Variants in LRFN2 observed in about 807,000 individuals in gnomAD.
LRFN2 encodes leucine rich repeat and fibronectin type III domain containing 2.
A neutral mutation model predicts 37.3 loss-of-function variants in LRFN2; 18 were observed. The observed-to-expected ratio is 0.48, with a 90% CI of 0.33 to 0.72. The LOEUF is 0.72. LRFN2 is among the 30% of genes least tolerant of loss of function. The pLI is 0.02. For synonymous variants in LRFN2, 556 were observed against 466.6 expected (o/e 1.19, Z -2.47); for missense variants, 1,006 against 1,060.7 (o/e 0.95, Z 0.72).
chr6:40,546,915 TC>T (rs1257218379), intron 1 of LRFN2, among the ~76,000 whole-genome samples: 1 of 152,224 alleles, frequency 6.6e-6, no homozygotes, highest in Non-Finnish European at 1.5e-5. Context: ...TTTTTACCCT[TC>T]TGAGTCTCAG....
chr6:40,571,800 G>C (rs1184720461), intron 1 of LRFN2, among the ~76,000 whole-genome samples: 1 of 152,090 alleles, frequency 6.6e-6, no homozygotes, highest in Non-Finnish European at 1.5e-5. Flanking sequence ...AGCCTTTGAG[G>C]GCCCCACAAC....
intron 1 of LRFN2, among the ~76,000 whole-genome samples, chr6:40,438,122 A>G (rs2113831523): frequency 6.6e-6 from 1 of 152,308 alleles, no homozygotes; most frequent in East Asian, 1.9e-4. Context: ...TCTGCCCAGA[A>G]TGTCTATGAG....
chr6:40,509,781 T>TG (rs1435166730), intron 1 of LRFN2, among the ~76,000 whole-genome samples: 17 of 130,718 alleles, frequency 1.3e-4, no homozygotes, highest in Non-Finnish European at 2.3e-4. Context: ...GTGCAGGCAG[T>TG]GGGGTGGGGG....
intron 1 of LRFN2, among the ~76,000 whole-genome samples, chr6:40,498,925 T>C (rs1044746129): frequency 7.2e-5 from 11 of 152,190 alleles, no homozygotes; most frequent in African/African-American, 2.7e-4. Context: ...ACTAGAGATA[T>C]ATCAGCAAGC....
intron 1 of LRFN2, among the ~76,000 whole-genome samples, chr6:40,497,103 G>T (rs918846207): frequency 1.3e-5 from 2 of 152,174 alleles, no homozygotes; most frequent in African/African-American, 4.8e-5. Context: ...GAGGAGAGAA[G>T]TTTATAGCAT....
At chr6:40,545,965 T>C (rs1766652175) in intron 1 of LRFN2, among the ~76,000 whole-genome samples, 1 of 152,190 alleles carries the variant, frequency 6.6e-6, no homozygotes, top group Non-Finnish European at 1.5e-5. Flanking sequence ...AGGAATTTAA[T>C]AGCTATTTGT....
intron 1 of LRFN2, among the ~76,000 whole-genome samples, chr6:40,560,378 G>A (rs895404144): frequency 6.6e-6 from 1 of 152,144 alleles, no homozygotes; most frequent in African/African-American, 2.4e-5. Context: ...ATGCCTGACT[G>A]GGGAAGCCCA....
At chr6:40,489,793 C>T (rs1396520573) in intron 1 of LRFN2, among the ~76,000 whole-genome samples, 1 of 152,114 alleles carries the variant, frequency 6.6e-6, no homozygotes, top group Non-Finnish European at 1.5e-5. Flanking sequence ...AGAGGGCTGA[C>T]CCACCTGTCC....
intron 1 of LRFN2, among the ~76,000 whole-genome samples, chr6:40,451,330 G>C (rs963641046): frequency 2.0e-5 from 3 of 152,142 alleles, no homozygotes; most frequent in Non-Finnish European, 4.4e-5. Flanking sequence ...ACCATTACTT[G>C]TCTGTCTGAA....
chr6:40,490,626 G>A (rs1361127454), intron 1 of LRFN2, among the ~76,000 whole-genome samples: 2 of 152,216 alleles, frequency 1.3e-5, no homozygotes, highest in African/African-American at 4.8e-5. Context: ...AGCTCACCAT[G>A]GCTGGCACAG....
intron 1 of LRFN2, among the ~76,000 whole-genome samples, chr6:40,475,026 T>G (rs1444463569): frequency 6.6e-6 from 1 of 152,290 alleles, no homozygotes; most frequent in Middle Eastern, 3.4e-3. Flanking sequence ...ACACTCACTC[T>G]TATGGTTGTC....
intron 1 of LRFN2, among the ~76,000 whole-genome samples, chr6:40,511,003 T>C (rs1487152523): frequency 6.6e-6 from 1 of 151,742 alleles, no homozygotes; most frequent in Non-Finnish European, 1.5e-5. Context: ...CCAGGATAAA[T>C]AGGAAGTGAG....
At chr6:40,554,473 A>G (rs1051979388) in intron 1 of LRFN2, among the ~76,000 whole-genome samples, 15 of 152,172 alleles carry the variant, frequency 9.9e-5, no homozygotes, top group African/African-American at 3.6e-4. Context: ...ATGGGCAGAG[A>G]GACAAAATGA....
chr6:40,506,935 A>G (rs1042147944), intron 1 of LRFN2, among the ~76,000 whole-genome samples: 1 of 152,204 alleles, frequency 6.6e-6, no homozygotes, highest in Non-Finnish European at 1.5e-5. Flanking sequence ...TGAAAAAAAA[A>G]GACCACAGAA....
At chr6:40,577,030 C>A (rs1767292578) in intron 1 of LRFN2, among the ~76,000 whole-genome samples, 1 of 151,364 alleles carries the variant, frequency 6.6e-6, no homozygotes, top group African/African-American at 2.4e-5. Flanking sequence ...GTCTGGTTCT[C>A]CCTACTGGAG....
At chr6:40,440,062 C>T (rs188461621) in intron 1 of LRFN2, among the ~76,000 whole-genome samples, 63 of 151,994 alleles carry the variant, frequency 4.1e-4, no homozygotes, top group African/African-American at 1.5e-3. Context: ...ACATGAGCCA[C>T]ATCCTGAATC....
intron 2 of LRFN2, among the ~76,000 whole-genome samples, chr6:40,420,652 T>A (rs936300944): frequency 6.6e-6 from 1 of 152,230 alleles, no homozygotes; most frequent in African/African-American, 2.4e-5. Flanking sequence ...CGTTATTTTA[T>A]CTAATGGGGA....
intron 1 of LRFN2, among the ~76,000 whole-genome samples, chr6:40,481,382 C>A (rs1764827159): frequency 7.2e-6 from 1 of 138,568 alleles, no homozygotes; most frequent in Non-Finnish European, 1.5e-5. Flanking sequence ...TTGCAGTAAG[C>A]AGTGAGCTGA....
chr6:40,564,227 C>G (rs1402585593), intron 1 of LRFN2, among the ~76,000 whole-genome samples: 1 of 152,138 alleles, frequency 6.6e-6, no homozygotes, highest in Non-Finnish European at 1.5e-5. Context: ...CAGTGGTGGA[C>G]ACAAACATGG....
Sources: allele counts gnomAD v4.1 joint callset (sites outside exome capture counted in the v4.1 genomes callset), GRCh38; gene constraint gnomAD v4.1.1; transcripts MANE v1.5; gene names NCBI Gene and HGNC (gene_info 2026-07-23, HGNC 2026-07-21).